ATP11A: variants seen among roughly 807,000 people sequenced by gnomAD.
ATP11A encodes the protein ATPase phospholipid transporting 11A, also known as phospholipid-transporting ATPase IH.
Under a neutral mutation model 154.4 loss-of-function variants are expected in ATP11A, and 81 were observed. That is an observed-to-expected ratio of 0.52 (90% confidence interval 0.44 to 0.63). The LOEUF is 0.63. Among genes scored for constraint, ATP11A ranks in the 30% least tolerant of loss-of-function variants. The pLI is 0.00. For synonymous variants in ATP11A, 623 were observed against 585.9 expected (o/e 1.06, Z -0.91); for missense variants, 1,316 against 1,474.3 (o/e 0.89, Z 1.76).
chr13:112,862,371 C>T (rs2080135715), intron 24 of ATP11A, 69 bp from the exon 25 acceptor site: 2 of 1,593,510 alleles, frequency 1.3e-6, no homozygotes, highest in Non-Finnish European at 1.7e-6. Flanking sequence ...GATGGCCACC[C>T]CAGAGCCTGG....
rs528236885 is a variant in ATP11A at position 112,807,785 on chromosome 13, G to A, written c.333+1492G>A. Among the ~76,000 whole-genome samples the A allele has an allele frequency of 4.6e-5, 7 of 152,132 alleles. No individual in the cohort carries two copies. The highest frequency in any genetic ancestry group is 1.0e-4 in the Non-Finnish European group (7 of 68,016). ...TATCTGTGATACATCTGTGTGGTAG[G>A]AGCAGAGGCTGCAGACAGGAAGGAG... is the stretch of plus-strand genomic sequence containing the variant. On this transcript the variant is annotated intron_variant, in intron 4 of 29. Coordinates refer to ENST00000375645, the MANE Select transcript of ATP11A (RefSeq NM_015205.3). The surrounding 1 kb of genome is among the most constrained non-coding windows in gnomAD (Gnocchi z 4.5).
intron 1 of ATP11A, among the ~76,000 whole-genome samples, chr13:112,762,031 C>G (rs1295510564): frequency 6.6e-6 from 1 of 152,146 alleles, no homozygotes; most frequent in African/African-American, 2.4e-5. Flanking sequence ...GAGTTCGTGA[C>G]CTCGATGGAA....
chr13:112,883,607 T>G lies in ATP11A; in HGVS notation c.*1741T>G, dbSNP rs1278337889. ...GAGGGTAAATCAGCGGTAAGAACAGTGAACACAGTGGTTGGGATAAAATAA... is the reference window on the plus strand; with the variant it reads ...GAGGGTAAATCAGCGGTAAGAACAGGGAACACAGTGGTTGGGATAAAATAA... On this transcript the variant is annotated 3_prime_UTR_variant, in exon 30 of 30. Transcript: ENST00000375645. 1 of 157,466 alleles carries G rather than the reference T, an allele frequency of 6.4e-6. No individual in the cohort carries two copies. Among genetic ancestry groups the G allele is most frequent in the African/African-American group, 2.4e-5 (1 of 41,688 alleles). 9.8% of individuals were successfully genotyped at this position (157,466 alleles called of 1,614,324 possible). A position where few individuals can be genotyped will look rare whatever the true frequency, so the allele number is the denominator to read the frequency against.
rs1207548016 is a variant in ATP11A, at chr13:112,860,358, C to T, written c.2799C>T (p.Ser933=). Residue 933 remains serine (S), a synonymous_variant, in exon 24 of 30, where the codon AGC becomes AGT. Coordinates refer to ENST00000375645, the MANE Select transcript of ATP11A (RefSeq NM_015205.3). Reference sequence around the variant, plus strand: ...CCTCCCTCCCCATCCTCCTGTACAGCCTCATGGAGCAGCATGTTGGCATTG... The same window carrying T: ...CCTCCCTCCCCATCCTCCTGTACAGTCTCATGGAGCAGCATGTTGGCATTG... ...SFTSLPILLY[S]LMEQHVGIDV... 1 of 1,614,070 alleles carries T rather than the reference C, an allele frequency of 6.2e-7. No individual in the cohort carries two copies. The highest frequency in any genetic ancestry group is 1.3e-5 in the African/African-American group (1 of 74,924).
chr13:112,777,895 A>G (rs2077387216), intron 1 of ATP11A, among the ~76,000 whole-genome samples: 1 of 151,764 alleles, frequency 6.6e-6, no homozygotes, highest in African/African-American at 2.4e-5. Context: ...TTTCTCCCCC[A>G]ACGCCAGATG....
At chr13:112,737,943 AC>A (rs1368804145) in intron 1 of ATP11A, among the ~76,000 whole-genome samples, 2 of 152,078 alleles carry the variant, frequency 1.3e-5, no homozygotes, top group Non-Finnish European at 2.9e-5. Context: ...CCTGGAATTG[AC>A]CCTTGAAGAG....
At chr13:112,737,657 C>T (rs1313444601) in intron 1 of ATP11A, among the ~76,000 whole-genome samples, 2 of 152,206 alleles carry the variant, frequency 1.3e-5, no homozygotes, top group Non-Finnish European at 2.9e-5. Flanking sequence ...CTCCTTTTAT[C>T]TGAGTGGATG....
intron 29 of ATP11A, among the ~76,000 whole-genome samples, chr13:112,878,718 G>T (rs1424509769): frequency 2.0e-5 from 3 of 152,168 alleles, no homozygotes; most frequent in Non-Finnish European, 2.9e-5. Context: ...GTAGAGCGTG[G>T]ATCACAAGGC....
intron 2 of ATP11A, among the ~76,000 whole-genome samples, chr13:112,798,626 GGCCTCTAGT>G (rs1490152288): frequency 6.6e-6 from 1 of 152,164 alleles, no homozygotes; most frequent in Non-Finnish European, 1.5e-5. Context: ...CGTATATTGT[GGCCTCTAGT>G]GCAACCACTA....
intron 1 of ATP11A, among the ~76,000 whole-genome samples, chr13:112,770,172 C>A (rs1319050434): frequency 6.6e-6 from 1 of 152,106 alleles, no homozygotes; most frequent in African/African-American, 2.4e-5. Flanking sequence ...CAGAGTAGGC[C>A]AAGAATGATT....
At chr13:112,861,116 ACTTTC>A (rs1190417863) in intron 24 of ATP11A, among the ~76,000 whole-genome samples, 11 of 152,072 alleles carry the variant, frequency 7.2e-5, no homozygotes, top group Non-Finnish European at 1.6e-4. Context: ...GTGCAGGAGA[ACTTTC>A]CTTTATAAAA....
At chr13:112,739,880 G>T (rs971959525) in intron 1 of ATP11A, among the ~76,000 whole-genome samples, 1 of 152,068 alleles carries the variant, frequency 6.6e-6, no homozygotes, top group Admixed American at 6.6e-5. Context: ...GAAATAAAAG[G>T]CCACACGTTG....
intron 1 of ATP11A, among the ~76,000 whole-genome samples, chr13:112,691,932 T>G (rs1012203052): frequency 6.6e-6 from 1 of 152,106 alleles, no homozygotes; most frequent in Non-Finnish European, 1.5e-5. Context: ...CCCTGGTGAT[T>G]CTGATGATTC....
intron 25 of ATP11A, among the ~76,000 whole-genome samples, chr13:112,867,100 T>C (rs951465215): frequency 6.6e-6 from 1 of 152,192 alleles, no homozygotes; most frequent in Non-Finnish European, 1.5e-5. Context: ...AGCACTGAGA[T>C]TCCAGGCTCC....
At chr13:112,824,058 G>C (rs989487296) in intron 9 of ATP11A, among the ~76,000 whole-genome samples, 1 of 152,098 alleles carries the variant, frequency 6.6e-6, no homozygotes, top group East Asian at 1.9e-4. Flanking sequence ...TCCATCCCCA[G>C]TTGGTAGAAC....
chr13:112,707,882 C>T (rs1887326988), intron 1 of ATP11A, among the ~76,000 whole-genome samples: 1 of 152,160 alleles, frequency 6.6e-6, no homozygotes, highest in Admixed American at 6.5e-5. Context: ...GTGGCCTGTG[C>T]CGGTCTGATC....
chr13:112,840,358 G>A (rs11842333), intron 16 of ATP11A, among the ~76,000 whole-genome samples: 6,767 of 61,368 alleles, frequency 0.11, 1,449 homozygotes, highest in African/African-American at 0.27. Flanking sequence ...CCACTCTCCC[G>A]TGCCTTCCAG....
In ATP11A at chr13:112,816,084, T is replaced by A; in HGVS notation, c.443T>A (p.Val148Asp). 1 of 1,614,144 alleles carries A rather than the reference T, an allele frequency of 6.2e-7. No individual in the cohort carries two copies. The highest frequency in any genetic ancestry group is 8.5e-7 in the Non-Finnish European group (1 of 1,180,024). The change falls in exon 6 of 30, where the codon GTT becomes GAT. Residue 148 changes from valine to aspartate, a missense_variant and splice_region_variant. This residue lies in a region of ATP11A where 876 missense variants were observed against 1,006.8 expected (regional missense o/e 0.87). Transcript: ENST00000375645. ...CATCCTTTCTGCTTTGTCCTGTAGGTTGGGGACATTGTCATGGTTAAGGAG... is the reference window on the plus strand; with the variant it reads ...CATCCTTTCTGCTTTGTCCTGTAGGATGGGGACATTGTCATGGTTAAGGAG... ...LVRKQSRKLR[V>D]GDIVMVKEDE...
intron 25 of ATP11A, among the ~76,000 whole-genome samples, chr13:112,870,010 A>G (rs1291887637): frequency 1.3e-5 from 2 of 152,030 alleles, no homozygotes; most frequent in Non-Finnish European, 2.9e-5. Context: ...CCCACGCCCC[A>G]GAAATGTCTC....
Sources: gnomAD v4.1 joint callset for allele counts (sites outside exome capture counted in the v4.1 genomes callset) on GRCh38, gnomAD v4.1.1 for gene constraint, gnomAD v4.1.1 regional missense constraint, Gnocchi (gnomAD v3.1) non-coding constraint, MANE v1.5 for transcripts, NCBI Gene and HGNC (gene_info 2026-07-23, HGNC 2026-07-21) for gene names.